The following TBC1D32 variants were observed in gnomAD, a reference collection of about 807,000 sequenced individuals.
TBC1D32 encodes the protein TBC1 domain family member 32.
In TBC1D32, 151 loss-of-function variants were observed where a neutral mutation model predicts 170.3. The observed-to-expected ratio is 0.89, with a 90% CI of 0.78 to 1.01. TBC1D32 has a LOEUF of 1.01. Among genes scored for constraint, TBC1D32 ranks in the 50% least tolerant of loss-of-function variants. The pLI is 0.00. For missense variants in TBC1D32, 1,464 were observed against 1,457.1 expected (o/e 1.00, Z -0.08); for synonymous variants, 498 against 488.0 (o/e 1.02, Z -0.27).
chr6:121,193,356 G>A (rs1790327952), intron 22 of TBC1D32, among the ~76,000 whole-genome samples: 1 of 152,198 alleles, frequency 6.6e-6, no homozygotes, highest in Non-Finnish European at 1.5e-5. Flanking sequence ...TAGGGAGACT[G>A]AGATGGTGGA....
intron 21 of TBC1D32, among the ~76,000 whole-genome samples, chr6:121,209,974 TC>T (rs370646107): frequency 2.0e-3 from 306 of 152,314 alleles, no homozygotes; most frequent in Middle Eastern, 6.8e-3. Context: ...TGTTTACACA[TC>T]ATTATCGTAG....
intron 22 of TBC1D32, among the ~76,000 whole-genome samples, chr6:121,193,636 T>C (rs1265462570): frequency 6.6e-6 from 1 of 152,210 alleles, no homozygotes; most frequent in Non-Finnish European, 1.5e-5. Flanking sequence ...GCTACCGTAA[T>C]GGACAACAGA....
At chr6:121,169,180 TA>T (rs1167765026) in intron 22 of TBC1D32, among the ~76,000 whole-genome samples, 2 of 152,144 alleles carry the variant, frequency 1.3e-5, no homozygotes, top group African/African-American at 4.8e-5. Context: ...ACTACAAGGC[TA>T]CACTAACCAA....
In TBC1D32 at chr6:121,264,010, A is replaced by T. The variant is rs1331406517; in HGVS notation, c.1734-7725T>A. ...AGAAAGATCTCAAATCGACACCATA[A>T]CATCAAAACTAAAATAACTAGCGAA... On this transcript the variant is annotated intron_variant, in intron 15 of 31. Coordinates refer to ENST00000398212, the MANE Select transcript of TBC1D32 (RefSeq NM_152730.6). Among the ~76,000 whole-genome samples the T allele has an allele frequency of 2.6e-5, 4 of 152,190 alleles. No individual in the cohort carries two copies. The East Asian group carries it at 7.7e-4, about 29-fold the overall frequency.
rs367551710 is a variant in TBC1D32, at chr6:121,332,415, A to G, written c.155+1861T>C. 2.0e-5 allele frequency among the ~76,000 whole-genome samples: 3 copies of G among 152,178 alleles called. No homozygotes were observed. The East Asian group carries it at 5.8e-4, about 29-fold the overall frequency. ...AAGGCTAATAAACTTCTAGCATAAC[A>G]GATGAAGAGCAAAAGTGGGAAGATA... On this transcript the variant is annotated intron_variant, in intron 1 of 31. Coordinates refer to ENST00000398212, the MANE Select transcript of TBC1D32 (RefSeq NM_152730.6).
rs1306159620 is a variant in TBC1D32, at chr6:121,239,225, A to G, written c.2246-37T>C. ...TATTACTTCAAGTCATTTATAGCATAATATTTCTTTGGATTATGAAGGAAA... is the reference window on the plus strand; with the variant it reads ...TATTACTTCAAGTCATTTATAGCATGATATTTCTTTGGATTATGAAGGAAA... On this transcript the variant is annotated intron_variant, in intron 19 of 31. Coordinates refer to ENST00000398212, the MANE Select transcript of TBC1D32 (RefSeq NM_152730.6). 3 of 1,273,454 alleles carry G rather than the reference A, an allele frequency of 2.4e-6. No homozygotes were observed. The South Asian group carries it at 3.9e-5, about 17-fold the overall frequency. The allele number at this position is 1,273,454 out of a possible 1,614,324, so 78.9% of individuals were successfully genotyped here. A position where few individuals can be genotyped will look rare whatever the true frequency, so the allele number is the denominator to read the frequency against.
At chr6:121,229,744 T>G (rs770344953) in intron 20 of TBC1D32, among the ~76,000 whole-genome samples, 2 of 152,160 alleles carry the variant, frequency 1.3e-5, no homozygotes, top group Non-Finnish European at 2.9e-5. Flanking sequence ...TCACCTACTA[T>G]TTGGTTACCC....
chr6:121,275,257 T>C (rs1802061288), intron 15 of TBC1D32, among the ~76,000 whole-genome samples: 1 of 152,182 alleles, frequency 6.6e-6, no homozygotes, highest in South Asian at 2.1e-4. Context: ...TATATGCACA[T>C]TACTTGATAA....
At position 121,215,849 on chromosome 6, in the gene TBC1D32, TA is replaced by T. The variant is rs1257468769; in HGVS notation, c.2481+7386del. On this transcript the variant is annotated intron_variant, in intron 21 of 31. Transcript: ENST00000398212. ...GGCTATTATCAAAAAAGTAAAAGAGTAACAGATGATGGTGAAATTGTGGAGA... is the reference window on the plus strand; with the variant it reads ...GGCTATTATCAAAAAAGTAAAAGAGTACAGATGATGGTGAAATTGTGGAGA... 3.9e-4 allele frequency among the ~76,000 whole-genome samples: 59 copies of T among 152,056 alleles called. 1 individual carries two copies. The highest frequency in any genetic ancestry group is 1.4e-3 in the African/African-American group (59 of 41,464).
At chr6:121,274,723 T>C (rs1298346567) in intron 15 of TBC1D32, among the ~76,000 whole-genome samples, 1 of 151,320 alleles carries the variant, frequency 6.6e-6, no homozygotes. Context: ...AAAAGGAAAA[T>C]GAAAAATAAG....
intron 9 of TBC1D32, among the ~76,000 whole-genome samples, chr6:121,301,764 A>G (rs1164270771): frequency 6.6e-6 from 1 of 152,032 alleles, no homozygotes; most frequent in Non-Finnish European, 1.5e-5. Flanking sequence ...TAGGGAATAG[A>G]GGATTTTTGT....
At chr6:121,300,913 T>C (rs536510964) in intron 9 of TBC1D32, among the ~76,000 whole-genome samples, 114 of 152,286 alleles carry the variant, frequency 7.5e-4, no homozygotes, top group African/African-American at 2.6e-3. Flanking sequence ...AGAAGACATT[T>C]ATGCAGCCAA....
chr6:121,304,967 G>A lies in TBC1D32; in HGVS notation c.691-134C>T, dbSNP rs1807103641. On this transcript the variant is annotated intron_variant, in intron 5 of 31. Coordinates refer to ENST00000398212, the MANE Select transcript of TBC1D32 (RefSeq NM_152730.6). ...ACCATTCAGAAACTAGAGTCAGAAT[G>A]TACTTATTTAAAAAGGGCACACTCT... 1.6e-5 allele frequency: 10 copies of A among 644,256 alleles called. 1 individual carries two copies. In the South Asian group the frequency reaches 1.7e-4, roughly 11 times the overall value. 39.9% of individuals were successfully genotyped at this position (644,256 alleles called of 1,614,324 possible). A position where few individuals can be genotyped will look rare whatever the true frequency, so the allele number is the denominator to read the frequency against.
chr6:121,236,039 T>G (rs1030700764), intron 20 of TBC1D32, among the ~76,000 whole-genome samples: 1 of 152,188 alleles, frequency 6.6e-6, no homozygotes, highest in Non-Finnish European at 1.5e-5. Context: ...GCTACTATTT[T>G]CCTACTTGTT....
chr6:121,305,024 A>C (rs1488319564), intron 5 of TBC1D32, among the ~76,000 whole-genome samples, 191 bp from the exon 6 acceptor site: 1 of 152,116 alleles, frequency 6.6e-6, no homozygotes, highest in African/African-American at 2.4e-5. Context: ...GACCAAAACT[A>C]ATATGTGAAT....
intron 2 of TBC1D32, among the ~76,000 whole-genome samples, chr6:121,320,230 G>GAA (rs1430753968): frequency 6.2e-5 from 9 of 144,858 alleles, no homozygotes; most frequent in African/African-American, 2.3e-4. Flanking sequence ...AAAAAAACTG[G>GAA]GAAAAAAAAA....
intron 27 of TBC1D32, among the ~76,000 whole-genome samples, chr6:121,114,755 C>G (rs1210972431): frequency 6.6e-6 from 1 of 152,156 alleles, no homozygotes; most frequent in African/African-American, 2.4e-5. Context: ...AAAATTACAA[C>G]TTGAGTATTA....
At chr6:121,311,549 G>A (rs1808206730) in intron 3 of TBC1D32, among the ~76,000 whole-genome samples, 1 of 152,010 alleles carries the variant, frequency 6.6e-6, no homozygotes, top group Non-Finnish European at 1.5e-5. Context: ...CCAACATGGT[G>A]AAACCCTGTC....
chr6:121,286,961 T>C (rs1035335332), intron 12 of TBC1D32, among the ~76,000 whole-genome samples: 4 of 152,154 alleles, frequency 2.6e-5, no homozygotes, highest in African/African-American at 4.8e-5. Context: ...CTGAGAGATT[T>C]TGTCACCACC....
Sources: gnomAD v4.1 joint callset for allele counts (sites outside exome capture counted in the v4.1 genomes callset) on GRCh38, gnomAD v4.1.1 for gene constraint, MANE v1.5 for transcripts, NCBI Gene and HGNC (gene_info 2026-07-23, HGNC 2026-07-21) for gene names.